The following SLC44A3 variants were observed in gnomAD, a reference collection of about 807,000 sequenced individuals.
The protein encoded by SLC44A3 is solute carrier family 44 member 3.
SLC44A3 carries 74 observed loss-of-function variants against 75.4 expected under a neutral mutation model. That is an observed-to-expected ratio of 0.98 (90% CI 0.81 to 1.19). The LOEUF is 1.19. SLC44A3 is among the 50% of genes most tolerant of loss of function. SLC44A3 has a pLI of 0.00. For synonymous variants in SLC44A3, 310 were observed against 296.9 expected, an observed-to-expected ratio of 1.04 and a Z score of -0.45; for missense variants, 700 against 778.6, an observed-to-expected ratio of 0.90 and a Z score of 1.20.
At chr1:94,820,597 C>A in intron 1 of SLC44A3, 119 bp downstream of exon 1, 2 of 1,411,752 alleles carry the variant, frequency 1.4e-6, no homozygotes, top group Non-Finnish European at 9.3e-7. Flanking sequence ...GGGATCCCGC[C>A]CCCGCTTAGT....
At chr1:94,849,295 G>A (rs953520261) in intron 9 of SLC44A3, among the ~76,000 whole-genome samples, 4 of 152,304 alleles carry the variant, frequency 2.6e-5, no homozygotes, top group African/African-American at 7.2e-5. Context: ...AGGCATCTAT[G>A]AGCAGGTCGA....
chr1:94,842,566 T>C (rs11165258), intron 8 of SLC44A3, among the ~76,000 whole-genome samples: 82,271 of 152,146 alleles, frequency 0.54, 22,352 homozygotes, highest in East Asian at 0.7. Context: ...TTCAGAGAAC[T>C]TGCTGCCTCC....
At chr1:94,887,903 C>T (rs72962431) in intron 12 of SLC44A3, among the ~76,000 whole-genome samples, 1,537 of 152,310 alleles carry the variant, frequency 0.01, 16 homozygotes, top group African/African-American at 0.035. Context: ...AAAGCAACTA[C>T]AGGCCCCTGC....
intron 12 of SLC44A3, among the ~76,000 whole-genome samples, chr1:94,876,420 T>A (rs1432543616): frequency 6.6e-6 from 1 of 152,220 alleles, no homozygotes; most frequent in African/African-American, 2.4e-5. Flanking sequence ...CACCTTGAAG[T>A]CCATGCTCTT....
intron 2 of SLC44A3, 132 bp downstream of exon 2, chr1:94,821,188 T>A (rs2100878514): frequency 1.3e-6 from 1 of 743,032 alleles, no homozygotes; most frequent in Middle Eastern, 2.9e-4. Context: ...TAAACATCAG[T>A]TTGTACTCGG....
chr1:94,839,849 G>A, intron 6 of SLC44A3, 99 bp from the exon 7 acceptor site: 1 of 822,456 alleles, frequency 1.2e-6, no homozygotes, highest in Non-Finnish European at 2.1e-6. Flanking sequence ...ACAATCCTCA[G>A]CCGTCACTGT....
intron 12 of SLC44A3, among the ~76,000 whole-genome samples, chr1:94,881,637 A>G (rs1248531641): frequency 3.4e-5 from 5 of 146,660 alleles, no homozygotes; most frequent in East Asian, 2.1e-4. Flanking sequence ...CCGGGAGGCG[A>G]AGCTTGCAGT....
intron 11 of SLC44A3, among the ~76,000 whole-genome samples, chr1:94,866,310 A>AGAAG (rs1667162491): frequency 6.6e-6 from 1 of 152,212 alleles, no homozygotes; most frequent in Non-Finnish European, 1.5e-5. Context: ...AATCTAAAAG[A>AGAAG]GAAGGCCCAA....
chr1:94,832,356 TA>T (rs200653379), intron 5 of SLC44A3, among the ~76,000 whole-genome samples: 244 of 147,154 alleles, frequency 1.7e-3, no homozygotes, highest in African/African-American at 4.9e-3. Context: ...TGTATTAAGT[TA>T]AAAAAAAAAC....
chr1:94,863,837 C>T (rs1279435165), intron 10 of SLC44A3, among the ~76,000 whole-genome samples: 1 of 152,232 alleles, frequency 6.6e-6, no homozygotes, highest in Admixed American at 6.5e-5. Context: ...TCCTTTTCCT[C>T]TCTCAAAACC....
chr1:94,824,954 T>A (rs1421812355), intron 3 of SLC44A3, among the ~76,000 whole-genome samples: 2 of 152,256 alleles, frequency 1.3e-5, no homozygotes, highest in Admixed American at 1.3e-4. Context: ...AGACACTGCA[T>A]GAGCTAAAGT....
intron 12 of SLC44A3, among the ~76,000 whole-genome samples, chr1:94,876,803 G>C (rs908014930): frequency 6.6e-5 from 10 of 152,208 alleles, no homozygotes; most frequent in African/African-American, 2.4e-4. Flanking sequence ...CATGCCACTG[G>C]ACGGGTGGAA....
chr1:94,824,153 A>T (rs1660979828), intron 2 of SLC44A3, among the ~76,000 whole-genome samples: 1 of 152,238 alleles, frequency 6.6e-6, no homozygotes, highest in South Asian at 2.1e-4. Flanking sequence ...ATTAAGCAAG[A>T]ACATCAAGGG....
intron 12 of SLC44A3, among the ~76,000 whole-genome samples, chr1:94,878,313 C>T (rs1014350810): frequency 6.6e-6 from 1 of 152,084 alleles, no homozygotes; most frequent in Non-Finnish European, 1.5e-5. Context: ...AGGCTCCTGA[C>T]CTCGCTTAGT....
At position 94,887,465 on chromosome 1, in the gene SLC44A3, C is replaced by T. The variant is rs72718282; in HGVS notation, c.1483-3665C>T. ...TTCTCTATCAGAGTGCTTTTAATGC[C>T]TTCTTTCAGTGGGCCTGATACATAA... On this transcript the variant is annotated intron_variant, in intron 12 of 14. Coordinates refer to ENST00000271227, the MANE Select transcript of SLC44A3 (RefSeq NM_001114106.3). Among the ~76,000 whole-genome samples the T allele has an allele frequency of 7.7e-3, 1,169 of 152,192 alleles. 6 individuals carry two copies. Among genetic ancestry groups the T allele is most frequent in the African/African-American group, 0.017 (692 of 41,504 alleles).
At chr1:94,882,434 C>G (rs1669106605) in intron 12 of SLC44A3, among the ~76,000 whole-genome samples, 1 of 152,200 alleles carries the variant, frequency 6.6e-6, no homozygotes, top group South Asian at 2.1e-4. Flanking sequence ...CATTCCCCGT[C>G]CTCCGTGTTT....
At chr1:94,858,117 T>C (rs1338768912) in intron 10 of SLC44A3, among the ~76,000 whole-genome samples, 2 of 151,982 alleles carry the variant, frequency 1.3e-5, no homozygotes, top group Non-Finnish European at 1.5e-5. Context: ...TGGCTGCCAT[T>C]CTTTTAATAT....
chr1:94,847,909 T>C (rs1324689042), intron 9 of SLC44A3, among the ~76,000 whole-genome samples: 1 of 152,174 alleles, frequency 6.6e-6, no homozygotes, highest in Non-Finnish European at 1.5e-5. Context: ...CCCTTGCATC[T>C]GGGATCCAAA....
At chr1:94,891,373 G>T in intron 13 of SLC44A3, 106 bp downstream of exon 13, 2 of 1,169,316 alleles carry the variant, frequency 1.7e-6, no homozygotes, top group South Asian at 3.3e-5. Context: ...CTCTATAGTG[G>T]GTGCTGTGCT....
Sources: allele counts gnomAD v4.1 joint callset (sites outside exome capture counted in the v4.1 genomes callset), GRCh38; gene constraint gnomAD v4.1.1; transcripts MANE v1.5; gene names NCBI Gene and HGNC (gene_info 2026-07-23, HGNC 2026-07-21).